The following WSCD2 variants were observed in gnomAD, a reference collection of about 807,000 sequenced individuals.
The protein encoded by WSCD2 is WSC domain sialate O sulfotransferase 2.
In WSCD2, 28 loss-of-function variants were observed where a neutral mutation model predicts 55.7. The observed-to-expected ratio is 0.50, with a 90% confidence interval of 0.37 to 0.69. The LOEUF (loss-of-function observed/expected upper bound fraction) is 0.69, where lower values mean the gene tolerates loss of function less well. WSCD2 is among the 30% of genes least tolerant of loss of function. The pLI, the probability that WSCD2 is intolerant of heterozygous loss-of-function variation, is 0.00. For missense variants in WSCD2, 616 were observed against 762.1 expected (o/e 0.81, Z 2.26); for synonymous variants, 301 against 301.9 (o/e 1.00, Z 0.03).
chr12:108,162,907 A>G (rs933829216), intron 1 of WSCD2, among the ~76,000 whole-genome samples: 6 of 152,172 alleles, frequency 3.9e-5, no homozygotes, highest in African/African-American at 1.4e-4. Flanking sequence ...CTGTGTGTTG[A>G]GCCTGCATCT....
At chr12:108,143,088 A>G (rs1295981726) in intron 1 of WSCD2, among the ~76,000 whole-genome samples, 2 of 152,204 alleles carry the variant, frequency 1.3e-5, no homozygotes, top group Non-Finnish European at 2.9e-5. Flanking sequence ...TGATGGGATT[A>G]TAGGTGTGAA....
rs537846849 is a variant in WSCD2, at chr12:108,196,136, G to A, written c.304G>A (p.Ala102Thr). The stretch of plus-strand genomic sequence containing the variant: ...CAAGGGCAAGGATGGGAATGAGAGA[G>A]CCAAGCTTGGCGACTACGGTGGAGC... Reference protein sequence around the residue: ...WFKGKDGNERAKLGDYGGAWS... With the variant: ...WFKGKDGNERTKLGDYGGAWS... The change falls in exon 2 of 9, where the codon GCC becomes ACC. Residue 102 changes from alanine to threonine, a missense_variant. By Grantham distance (58) the Ala-to-Thr change is moderately conservative. This residue lies in a region of WSCD2 where 374 missense variants were observed against 467.4 expected (regional missense o/e 0.80). Coordinates refer to ENST00000547525, the MANE Select transcript of WSCD2 (RefSeq NM_014653.4). 2.5e-5 allele frequency: 41 copies of A among 1,614,180 alleles called. No individual in the cohort carries two copies. The East Asian group carries it at 4.0e-4, about 16-fold the overall frequency.
At chr12:108,225,688 T>A in intron 5 of WSCD2, among the ~76,000 whole-genome samples, 1 of 152,168 alleles carries the variant, frequency 6.6e-6, no homozygotes, top group East Asian at 1.9e-4. Flanking sequence ...ACTGTTTATG[T>A]TTCCTCCCTA....
At chr12:108,241,703 A>G (rs532831116) in intron 8 of WSCD2, among the ~76,000 whole-genome samples, 1 of 152,338 alleles carries the variant, frequency 6.6e-6, no homozygotes, top group Non-Finnish European at 1.5e-5. Context: ...ATCTCATGTT[A>G]AGTGTTTTTT....
intron 1 of WSCD2, among the ~76,000 whole-genome samples, chr12:108,170,123 A>G (rs1049442502): frequency 5.9e-5 from 9 of 152,188 alleles, no homozygotes; most frequent in African/African-American, 2.2e-4. Context: ...GCCAAAGAAA[A>G]TGTCCTGGAT....
At chr12:108,166,923 T>C (rs1196580273) in intron 1 of WSCD2, among the ~76,000 whole-genome samples, 1 of 151,608 alleles carries the variant, frequency 6.6e-6, no homozygotes, top group African/African-American at 2.4e-5. Context: ...GTGATTCTCC[T>C]GCCTCAGCCT....
chr12:108,224,725 C>T lies in WSCD2; in HGVS notation c.683-14C>T. The T allele has an allele frequency of 6.2e-7, 1 of 1,610,514 alleles. No individual in the cohort carries two copies. Among genetic ancestry groups the T allele is most frequent in the Non-Finnish European group, 8.5e-7 (1 of 1,179,668 alleles). On this transcript the variant is annotated splice_polypyrimidine_tract_variant and intron_variant, in intron 4 of 8. Coordinates refer to ENST00000547525, the MANE Select transcript of WSCD2 (RefSeq NM_014653.4). ...TTGTATATCTGACTAGTCCTCTTCT[C>T]TCTGGCTCTTCAGATGGAAGTGCAG...
intron 1 of WSCD2, among the ~76,000 whole-genome samples, chr12:108,142,700 G>T (rs1022485258): frequency 6.6e-6 from 1 of 152,170 alleles, no homozygotes; most frequent in Non-Finnish European, 1.5e-5. Flanking sequence ...TATAAAACTA[G>T]CAACCTAGCT....
At chr12:108,176,177 G>A (rs920977127) in intron 1 of WSCD2, among the ~76,000 whole-genome samples, 4 of 152,130 alleles carry the variant, frequency 2.6e-5, no homozygotes, top group Admixed American at 6.5e-5. Flanking sequence ...ATTGAGTATC[G>A]TTTACCTACA....
At chr12:108,165,758 A>C (rs1879540168) in intron 1 of WSCD2, among the ~76,000 whole-genome samples, 1 of 152,188 alleles carries the variant, frequency 6.6e-6, no homozygotes, top group Non-Finnish European at 1.5e-5. Flanking sequence ...TTTTTTACTG[A>C]AAGTTGTTTA....
chr12:108,211,570 T>C (rs924172390), intron 4 of WSCD2, among the ~76,000 whole-genome samples: 1 of 151,560 alleles, frequency 6.6e-6, no homozygotes, highest in African/African-American at 2.4e-5. Context: ...CATGTGAATT[T>C]CATCGTTTAT....
In WSCD2 at chr12:108,228,168, G is replaced by A. The variant is rs529464688; in HGVS notation, c.979+1004G>A. ...CCTGACCGAGGTATCATGAAGGGTG[G>A]GTGGCACTTGGATGGGGATTGGGGG... On this transcript the variant is annotated intron_variant, in intron 6 of 8. Coordinates refer to ENST00000547525, the MANE Select transcript of WSCD2 (RefSeq NM_014653.4). 5.3e-5 allele frequency among the ~76,000 whole-genome samples: 8 copies of A among 152,198 alleles called. No individual in the cohort carries two copies. The South Asian group carries it at 1.7e-3, about 32-fold the overall frequency.
chr12:108,188,271 G>A (rs1882758033), intron 1 of WSCD2, among the ~76,000 whole-genome samples: 1 of 152,144 alleles, frequency 6.6e-6, no homozygotes, highest in East Asian at 1.9e-4. Flanking sequence ...GGGTGAGCAA[G>A]TGTAGGGGGC....
intron 1 of WSCD2, among the ~76,000 whole-genome samples, chr12:108,143,103 C>T (rs757097731): frequency 3.3e-5 from 5 of 152,344 alleles, no homozygotes; most frequent in Admixed American, 2.6e-4. Flanking sequence ...TGTGAATCAC[C>T]GCATCCAGCC....
At chr12:108,145,164 C>T (rs761861766) in intron 1 of WSCD2, among the ~76,000 whole-genome samples, 17 of 152,322 alleles carry the variant, frequency 1.1e-4, no homozygotes, top group Middle Eastern at 3.4e-3. Flanking sequence ...CACCTCAGGA[C>T]CTTTGCACAT....
chr12:108,167,385 C>T (rs1242042311), intron 1 of WSCD2: 1 of 152,148 alleles, frequency 6.6e-6, no homozygotes, highest in Non-Finnish European at 1.5e-5. Context: ...AAGAACCTCC[C>T]CCACCCCACT....
At chr12:108,150,379 G>A (rs144992901) in intron 1 of WSCD2, among the ~76,000 whole-genome samples, 171 of 152,274 alleles carry the variant, frequency 1.1e-3, no homozygotes, top group African/African-American at 3.9e-3. Flanking sequence ...AGGCTAGAGT[G>A]TTACGAGAAC....
At chr12:108,131,677 G>C (rs1283746119) in intron 1 of WSCD2, 1 of 152,286 alleles carries the variant, frequency 6.6e-6, no homozygotes, top group Non-Finnish European at 1.5e-5. Context: ...CAAGCACCAG[G>C]TGATCCTTGA....
At chr12:108,232,971 T>C (rs1045395593) in intron 7 of WSCD2, 76 bp downstream of exon 7, 1 of 1,554,266 alleles carries the variant, frequency 6.4e-7, no homozygotes, top group East Asian at 2.3e-5. Context: ...GGTATGGGAA[T>C]ACTCCTCCTT....
Sources: gnomAD v4.1 joint callset for allele counts (sites outside exome capture counted in the v4.1 genomes callset) on GRCh38, gnomAD v4.1.1 for gene constraint, gnomAD v4.1.1 regional missense constraint, MANE v1.5 for transcripts, NCBI Gene and HGNC (gene_info 2026-07-23, HGNC 2026-07-21) for gene names.